Variants in SPTBN1 observed in about 807,000 individuals in gnomAD.
SPTBN1 encodes the protein spectrin beta, non-erythrocytic 1.
Under a neutral mutation model 266.4 loss-of-function variants are expected in SPTBN1, and 32 were observed. The ratio of observed to expected loss-of-function variants is 0.12; its 90% CI spans 0.09 to 0.16. SPTBN1 has a LOEUF of 0.16. SPTBN1 is among the 10% of genes least tolerant of loss of function. The pLI, the probability that SPTBN1 is intolerant of heterozygous loss-of-function variation, is 1.00. For synonymous variants in SPTBN1, 1,336 were observed against 1,162.2 expected (o/e 1.15, Z -3.04); for missense variants, 2,296 against 3,067.1 (o/e 0.75, Z 5.94).
At chr2:54,466,384 A>AG (rs1693632102) in intron 1 of SPTBN1, among the ~76,000 whole-genome samples, 2 of 26,008 alleles carry the variant, frequency 7.7e-5, no homozygotes, top group African/African-American at 6.6e-4. Context: ...AACACGGTGA[A>AG]ACCCCGTCTC....
chr2:54,623,366 C>G (rs1405076586), intron 9 of SPTBN1, 113 bp from the exon 10 acceptor site: 1 of 907,106 alleles, frequency 1.1e-6, no homozygotes. Flanking sequence ...ACTGATGTCT[C>G]TTTGACATGC....
intron 32 of SPTBN1, chr2:54,660,573 C>T (rs189373639): frequency 2.0e-6 from 2 of 985,560 alleles, no homozygotes; most frequent in African/African-American, 1.7e-5. Context: ...GTGTAACATT[C>T]CATGAAAGAT....
At chr2:54,537,781 A>G (rs1671697221) in intron 2 of SPTBN1, among the ~76,000 whole-genome samples, 1 of 152,292 alleles carries the variant, frequency 6.6e-6, no homozygotes, top group African/African-American at 2.4e-5. Flanking sequence ...GACAGGAAAC[A>G]TGGCTGCCAT....
intron 18 of SPTBN1, among the ~76,000 whole-genome samples, chr2:54,638,380 A>AT (rs1259069961): frequency 5.3e-5 from 8 of 152,244 alleles, no homozygotes; most frequent in Non-Finnish European, 7.3e-5. Context: ...AGAAGCAGAG[A>AT]TTTTCAAAAG....
At chr2:54,465,758 A>G (rs1693605356) in intron 1 of SPTBN1, among the ~76,000 whole-genome samples, 1 of 151,128 alleles carries the variant, frequency 6.6e-6, no homozygotes, top group Admixed American at 6.6e-5. Flanking sequence ...TAAATGGGGA[A>G]TTTTATAGAG....
intron 32 of SPTBN1, chr2:54,663,726 G>C (rs1681198089): frequency 6.6e-6 from 1 of 152,178 alleles, no homozygotes; most frequent in Non-Finnish European, 1.5e-5. Context: ...ACTGTGATTG[G>C]CTTTTCCAGC....
intron 1 of SPTBN1, among the ~76,000 whole-genome samples, chr2:54,492,371 A>G (rs1200456069): frequency 2.5e-5 from 3 of 119,188 alleles, no homozygotes; most frequent in Admixed American, 9.6e-5. Flanking sequence ...TTTTGCTACT[A>G]TAGAAAAGCA....
chr2:54,497,862 C>G (rs898438264), intron 1 of SPTBN1, among the ~76,000 whole-genome samples: 6 of 152,176 alleles, frequency 3.9e-5, no homozygotes, highest in African/African-American at 1.2e-4. Context: ...AAACAGGGTT[C>G]CAGCTCTGCA....
In SPTBN1 at chr2:54,567,026, A is replaced by G. The variant is rs527670971; in HGVS notation, c.149-32066A>G. 5.3e-5 allele frequency among the ~76,000 whole-genome samples: 8 copies of G among 152,356 alleles called. No homozygotes were observed. In the South Asian group the frequency reaches 1.2e-3, roughly 24 times the overall value. ...TCTACTTACTTATTAACAAATATTTATTGATTACCTGCTTTCCAGTGAGCA... is the reference window on the plus strand; with the variant it reads ...TCTACTTACTTATTAACAAATATTTGTTGATTACCTGCTTTCCAGTGAGCA... On this transcript the variant is annotated intron_variant, in intron 2 of 35. Transcript: ENST00000356805.
chr2:54,557,927 A>C, intron 2 of SPTBN1: 2 of 985,346 alleles, frequency 2.0e-6, no homozygotes, highest in South Asian at 9.4e-5. Context: ...GGTTGGCGCC[A>C]GCGCACTGGG....
chr2:54,647,728 G>A (rs1167392483), intron 24 of SPTBN1, among the ~76,000 whole-genome samples: 1 of 152,144 alleles, frequency 6.6e-6, no homozygotes, highest in Non-Finnish European at 1.5e-5. Flanking sequence ...GTACTACTCA[G>A]CTATTCAAGA....
At chr2:54,521,660 C>T (rs1411441936) in intron 1 of SPTBN1, among the ~76,000 whole-genome samples, 4 of 151,778 alleles carry the variant, frequency 2.6e-5, no homozygotes, top group Non-Finnish European at 5.9e-5. Flanking sequence ...ACTACGGGCA[C>T]GTGCCACCGT....
At chr2:54,577,560 A>G (rs1399020741) in intron 2 of SPTBN1, among the ~76,000 whole-genome samples, 1 of 152,224 alleles carries the variant, frequency 6.6e-6, no homozygotes, top group African/African-American at 2.4e-5. Context: ...ATAGCCACCA[A>G]AACTTCTTGA....
chr2:54,668,718 G>T lies in SPTBN1; in HGVS notation c.*149G>T, dbSNP rs998030804. On this transcript the variant is annotated 3_prime_UTR_variant, in exon 36 of 36. Coordinates refer to ENST00000356805, the MANE Select transcript of SPTBN1 (RefSeq NM_003128.3). ...TTTAATTTATAGAGCATTTCGGGGG[G>T]GGTGGGGGAAACACACCTAAACACT... The T allele has an allele frequency of 1.3e-5, 9 of 679,520 alleles. No individual in the cohort carries two copies. In the East Asian group the frequency reaches 2.2e-4, roughly 17 times the overall value. The allele number at this position is 679,520 out of a possible 1,614,324, so 42.1% of individuals were successfully genotyped here.
At chr2:54,534,349 A>T (rs1671469508) in intron 2 of SPTBN1, among the ~76,000 whole-genome samples, 1 of 152,194 alleles carries the variant, frequency 6.6e-6, no homozygotes, top group Non-Finnish European at 1.5e-5. Context: ...TTCAGGCTGT[A>T]TCCCTAAATT....
At chr2:54,523,595 T>G (rs1465615644) in intron 1 of SPTBN1, among the ~76,000 whole-genome samples, 1 of 152,248 alleles carries the variant, frequency 6.6e-6, no homozygotes, top group African/African-American at 2.4e-5. Flanking sequence ...TATGGAAACT[T>G]GGTTGCATGT....
chr2:54,518,249 A>C (rs1670225577), intron 1 of SPTBN1, among the ~76,000 whole-genome samples: 1 of 151,932 alleles, frequency 6.6e-6, no homozygotes, highest in South Asian at 2.1e-4. Context: ...GTGGGAATTG[A>C]ACAGTGAGAA....
intron 1 of SPTBN1, among the ~76,000 whole-genome samples, chr2:54,503,239 A>G (rs74748035): frequency 0.018 from 2,705 of 152,256 alleles, 79 homozygotes; most frequent in African/African-American, 0.062. Context: ...CCGCATGGAG[A>G]TATGAACACA....
intron 16 of SPTBN1, among the ~76,000 whole-genome samples, chr2:54,632,296 G>C (rs1372698356): frequency 6.6e-6 from 1 of 152,076 alleles, no homozygotes; most frequent in Non-Finnish European, 1.5e-5. Flanking sequence ...GCACGTGAGA[G>C]GACCCTTGAG....
Sources: gnomAD v4.1 joint callset for allele counts (sites outside exome capture counted in the v4.1 genomes callset) on GRCh38, gnomAD v4.1.1 for gene constraint, MANE v1.5 for transcripts, NCBI Gene and HGNC (gene_info 2026-07-23, HGNC 2026-07-21) for gene names.